CSNK2A1: variants seen among roughly 807,000 people sequenced by gnomAD.
The protein encoded by CSNK2A1 is casein kinase II subunit alpha.
A neutral mutation model predicts 62.9 loss-of-function variants in CSNK2A1; 10 were observed. The ratio of observed to expected loss-of-function variants is 0.16; its 90% CI spans 0.10 to 0.27. The LOEUF (loss-of-function observed/expected upper bound fraction) is 0.27. Among genes scored for constraint, CSNK2A1 ranks in the 10% least tolerant of loss-of-function variants. The pLI, the probability that CSNK2A1 is intolerant of heterozygous loss-of-function variation, is 1.00. For synonymous variants in CSNK2A1, 124 were observed against 167.8 expected (o/e 0.74, Z 2.02); for missense variants, 160 against 492.0 (o/e 0.33, Z 6.38).
intron 3 of CSNK2A1, chr20:505,908 T>G (rs1244960130): frequency 7.4e-6 from 1 of 134,666 alleles, no homozygotes; most frequent in African/African-American, 2.9e-5. Context: ...GGAGTCTTGC[T>G]CTGTCGCCCA....
At chr20:490,443 C>T (rs1358962253) in intron 9 of CSNK2A1, among the ~76,000 whole-genome samples, 6 of 122,986 alleles carry the variant, frequency 4.9e-5, no homozygotes, top group African/African-American at 1.9e-4. Flanking sequence ...CAGAGTCTTG[C>T]TCTGTCGCCC....
chr20:539,230 G>A lies in CSNK2A1; in HGVS notation c.-227+4442C>T, dbSNP rs1336542224. 2.6e-5 allele frequency: 4 copies of A among 152,298 alleles called. No individual in the cohort carries two copies. The East Asian group carries it at 7.7e-4, about 29-fold the overall frequency. The allele number at this position is 152,298 out of a possible 1,614,324, so 9.4% of individuals were successfully genotyped here. The stretch of plus-strand genomic sequence containing the variant: ...CAGTGGGCTTGACTGGGTCTCACAA[G>A]GGCTAAATGAGGGTATCCAGTGGGT... On this transcript the variant is annotated intron_variant, in intron 1 of 13. Transcript: ENST00000217244.
At position 499,746 on chromosome 20, in the gene CSNK2A1, G is replaced by A; in HGVS notation, c.315+87C>T. The A allele has an allele frequency of 8.2e-7, 1 of 1,220,876 alleles. No individual in the cohort carries two copies. The highest frequency in any genetic ancestry group is 1.2e-6 in the Non-Finnish European group (1 of 829,168). The allele number at this position is 1,220,876 out of a possible 1,614,324, so 75.6% of individuals were successfully genotyped here. A position where few individuals can be genotyped will look rare whatever the true frequency, so the allele number is the denominator to read the frequency against. ...AAGCAGGACTTAATGATGAGGGTTGGGGGAGGGAACAAAAAGAGGCCAGTT... is the reference window on the plus strand; with the variant it reads ...AAGCAGGACTTAATGATGAGGGTTGAGGGAGGGAACAAAAAGAGGCCAGTT... On this transcript the variant is annotated intron_variant, in intron 5 of 13. Coordinates refer to ENST00000217244, the MANE Select transcript of CSNK2A1 (RefSeq NM_177559.3). This position sits in a 1 kb window ranked among gnomAD's most constrained non-coding sequence, Gnocchi z 4.2.
intron 13 of CSNK2A1, 86 bp downstream of exon 13, chr20:486,290 G>A: frequency 6.7e-7 from 1 of 1,492,288 alleles, no homozygotes; most frequent in Non-Finnish European, 9.2e-7. Context: ...ACGGAGAAGA[G>A]AAGGTATACA....
At chr20:518,933 CTTTTTT>C (rs796982756) in intron 2 of CSNK2A1, among the ~76,000 whole-genome samples, 2 of 123,716 alleles carry the variant, frequency 1.6e-5, no homozygotes, top group African/African-American at 3.0e-5. Flanking sequence ...GTTGGATATA[CTTTTTT>C]TTTTTTTTTT....
intron 2 of CSNK2A1, among the ~76,000 whole-genome samples, chr20:523,838 G>A (rs113976627): frequency 0.072 from 8,751 of 121,706 alleles, 310 homozygotes; most frequent in South Asian, 0.13. Context: ...CAGCCTGGGC[G>A]ACAGAGCAAG....
In CSNK2A1 at chr20:474,122, C is replaced by G. The variant is rs2017804233; in HGVS notation, c.*9839G>C. On this transcript the variant is annotated 3_prime_UTR_variant, in exon 14 of 14. Coordinates refer to ENST00000217244, the MANE Select transcript of CSNK2A1 (RefSeq NM_177559.3). ...CAGGTCTCACTGAGAGCAATGTGAT[C>G]ATAGCTCACTGCAGCCTCCAACTCC... The G allele has an allele frequency of 6.6e-6, 1 of 152,328 alleles. No individual in the cohort carries two copies. The highest frequency in any genetic ancestry group is 2.4e-5 in the African/African-American group (1 of 41,448). 9.4% of individuals were successfully genotyped at this position (152,328 alleles called of 1,614,324 possible). A position where few individuals can be genotyped will look rare whatever the true frequency, so the allele number is the denominator to read the frequency against.
intron 1 of CSNK2A1, among the ~76,000 whole-genome samples, chr20:530,948 G>C (rs1423111628): frequency 6.6e-6 from 1 of 152,074 alleles, no homozygotes; most frequent in Non-Finnish European, 1.5e-5. Context: ...GCCAGGTGTG[G>C]TGGTGGGCAC....
At chr20:495,567 G>T in intron 8 of CSNK2A1, 152 bp downstream of exon 8, 1 of 607,534 alleles carries the variant, frequency 1.6e-6, no homozygotes, top group Non-Finnish European at 2.9e-6. Context: ...GTTCAAACAT[G>T]TTGACTTGTA....
chr20:526,198 C>T (rs1387532989), intron 2 of CSNK2A1, among the ~76,000 whole-genome samples: 1 of 150,254 alleles, frequency 6.7e-6, no homozygotes, highest in Non-Finnish European at 1.5e-5. Flanking sequence ...TCGTGCTGAG[C>T]CCGTGGCTCA....
chr20:525,409 G>A (rs550015683), intron 2 of CSNK2A1, among the ~76,000 whole-genome samples: 1 of 151,770 alleles, frequency 6.6e-6, no homozygotes, highest in Admixed American at 6.6e-5. Context: ...TCCCAGCACT[G>A]TGGGAGGCTG....
At chr20:533,399 C>T (rs1219674886) in intron 1 of CSNK2A1, among the ~76,000 whole-genome samples, 1 of 152,172 alleles carries the variant, frequency 6.6e-6, no homozygotes, top group African/African-American at 2.4e-5. Context: ...GGGCCTTCTG[C>T]TTTTATTCCT....
intron 4 of CSNK2A1, chr20:504,221 C>G (rs2018530888): frequency 6.6e-6 from 1 of 152,152 alleles, no homozygotes; most frequent in Non-Finnish European, 1.5e-5. Flanking sequence ...ACTTACTTAG[C>G]TATTTGGACC....
intron 4 of CSNK2A1, chr20:501,555 ACCT>A (rs1033952122): frequency 2.6e-5 from 4 of 152,184 alleles, no homozygotes; most frequent in Non-Finnish European, 5.9e-5. Context: ...AATCTATTTT[ACCT>A]TTTTTTGTAT....
rs572418753 is a variant in CSNK2A1 at position 479,022 on chromosome 20, T to C, written c.*4939A>G. 2.0e-5 allele frequency: 3 copies of C among 153,468 alleles called. No individual in the cohort carries two copies. The highest frequency in any genetic ancestry group is 6.5e-5 in the Admixed American group (1 of 15,338). 9.5% of individuals were successfully genotyped at this position (153,468 alleles called of 1,614,324 possible). A position where few individuals can be genotyped will look rare whatever the true frequency, so the allele number is the denominator to read the frequency against. On this transcript the variant is annotated 3_prime_UTR_variant, in exon 14 of 14. Coordinates refer to ENST00000217244, the MANE Select transcript of CSNK2A1 (RefSeq NM_177559.3). ...ACAGTGCAAAATATCTGGCTTTCCA[T>C]AGAGGGAGTGGGAACAAGGCAATGC...
intron 13 of CSNK2A1, among the ~76,000 whole-genome samples, chr20:484,577 T>A (rs1054179628): frequency 1.3e-5 from 2 of 152,236 alleles, no homozygotes; most frequent in Non-Finnish European, 1.5e-5. Context: ...TCTTGATAGC[T>A]GGCAGCTTTC....
rs1456683594 is a variant in CSNK2A1, at chr20:505,336, A to ACAATTCC, written c.102-114_102-108dup. 1.0e-5 allele frequency: 8 copies of ACAATTCC among 770,860 alleles called. No homozygotes were observed. In the African/African-American group the frequency reaches 1.1e-4, roughly 11 times the overall value. The allele number at this position is 770,860 out of a possible 1,614,324, so 47.8% of individuals were successfully genotyped here. A position where few individuals can be genotyped will look rare whatever the true frequency, so the allele number is the denominator to read the frequency against. On this transcript the variant is annotated intron_variant, in intron 3 of 13. Transcript: ENST00000217244. The stretch of plus-strand genomic sequence containing the variant: ...GTAATAGAAATAAGAAGTATTTCAA[A>ACAATTCC]CAATTCCCAAATAGGTTTTTTTTTT...
At position 517,895 on chromosome 20, in the gene CSNK2A1, G is replaced by A. The variant is rs531878693; in HGVS notation, c.-109-9235C>T. 4.6e-5 allele frequency among the ~76,000 whole-genome samples: 7 copies of A among 152,226 alleles called. No homozygotes were observed. The East Asian group carries it at 5.8e-4, about 13-fold the overall frequency. On this transcript the variant is annotated intron_variant, in intron 2 of 13. Transcript: ENST00000217244. ...TGATTTGGAGACTATTAGTTTACTC[G>A]ACTGTTACCATTTTGTGCTTAAAAC... is the stretch of plus-strand genomic sequence containing the variant.
intron 1 of CSNK2A1, among the ~76,000 whole-genome samples, chr20:534,963 G>A (rs544270035): frequency 6.7e-6 from 1 of 149,788 alleles, no homozygotes; most frequent in African/African-American, 2.5e-5. Flanking sequence ...GAACCCGGGA[G>A]GTGGAGGTTG....
Sources: allele counts gnomAD v4.1 joint callset (sites outside exome capture counted in the v4.1 genomes callset), GRCh38; gene constraint gnomAD v4.1.1; non-coding constraint Gnocchi (gnomAD v3.1); transcripts MANE v1.5; gene names NCBI Gene and HGNC (gene_info 2026-07-23, HGNC 2026-07-21).